ZNF514: variants seen among roughly 807,000 people sequenced by gnomAD.
ZNF514 encodes the protein zinc finger protein 514.
Under a neutral mutation model 9.7 loss-of-function variants are expected in ZNF514, and 12 were observed. That is an observed-to-expected ratio of 1.24 (90% CI 0.79 to 2.01). The LOEUF (loss-of-function observed/expected upper bound fraction) is 2.01. Ranked by LOEUF, ZNF514 falls within the 30% of genes most tolerant of loss-of-function variation. ZNF514 has a pLI of 0.00. For missense variants in ZNF514, 467 were observed against 465.5 expected (o/e 1.00, Z -0.03); for synonymous variants, 158 against 163.7 (o/e 0.97, Z 0.27).
At chr2:95,139,513 C>T in the ZNF514 span, among the ~76,000 whole-genome samples, 1 of 152,174 alleles carries the variant, frequency 6.6e-6, no homozygotes, top group African/African-American at 2.4e-5. Flanking sequence ...GGACTGTAGC[C>T]CCTTTCTTTT....
In ZNF514 at chr2:95,149,990, G is replaced by GA. The variant is rs1372073399; in HGVS notation, c.494dup (p.Leu166ProfsTer3). The stretch of plus-strand genomic sequence containing the variant: ...TGAGAATGCTGTGTTGGTTAACAAG[G>GA]ACTGATCTTAAACCTAAGCTTCTCC... On this transcript the variant is annotated frameshift_variant, in exon 5 of 5. Coordinates refer to ENST00000295208, the MANE Select transcript of ZNF514 (RefSeq NM_032788.3). LOFTEE classifies it low-confidence loss of function (END_TRUNC). 5 of 1,614,046 alleles carry GA rather than the reference G, an allele frequency of 3.1e-6. No homozygotes were observed. The highest frequency in any genetic ancestry group is 4.2e-6 in the Non-Finnish European group (5 of 1,180,042).
At chr2:95,138,265 A>T in the ZNF514 span, among the ~76,000 whole-genome samples, 1 of 152,234 alleles carries the variant, frequency 6.6e-6, no homozygotes, top group Non-Finnish European at 1.5e-5. Context: ...TAACTGGGTA[A>T]CAGCGAGAGG....
chr2:95,128,131 G>A, the ZNF514 span, among the ~76,000 whole-genome samples: 1 of 151,954 alleles, frequency 6.6e-6, no homozygotes, highest in East Asian at 1.9e-4. Context: ...GATGGCTCAC[G>A]CCTGTAATCC....
the ZNF514 span, among the ~76,000 whole-genome samples, chr2:95,135,589 T>C: frequency 6.6e-6 from 1 of 151,750 alleles, no homozygotes; most frequent in African/African-American, 2.4e-5. Flanking sequence ...ACCTGGCTAA[T>C]ATTTGTATTT....
At chr2:95,130,731 C>G in the ZNF514 span, among the ~76,000 whole-genome samples, 1 of 152,304 alleles carries the variant, frequency 6.6e-6, no homozygotes, top group East Asian at 1.9e-4. Flanking sequence ...TTGCTGTTAT[C>G]CTGTTCTTTT....
intron 4 of ZNF514, among the ~76,000 whole-genome samples, chr2:95,150,732 T>C (rs1673514921): frequency 6.6e-6 from 1 of 152,216 alleles, no homozygotes; most frequent in Non-Finnish European, 1.5e-5. Flanking sequence ...CCCTTCACTT[T>C]CTTCTTTTCC....
chr2:95,132,529 A>G, the ZNF514 span, among the ~76,000 whole-genome samples: 1 of 152,144 alleles, frequency 6.6e-6, no homozygotes, highest in Non-Finnish European at 1.5e-5. Flanking sequence ...GTGGGGACAT[A>G]AAATGGTACC....
At chr2:95,135,760 C>T in the ZNF514 span, among the ~76,000 whole-genome samples, 2 of 151,430 alleles carry the variant, frequency 1.3e-5, no homozygotes, top group Admixed American at 6.6e-5. Flanking sequence ...AATTGTTCAT[C>T]ACACATGTAT....
At chr2:95,150,815 C>T (rs1270259448) in intron 4 of ZNF514, among the ~76,000 whole-genome samples, 1 of 152,174 alleles carries the variant, frequency 6.6e-6, no homozygotes, top group African/African-American at 2.4e-5. Flanking sequence ...AGGATAAACC[C>T]TTTATCTTCC....
chr2:95,140,840 T>G (rs1365567627), downstream of ZNF514, among the ~76,000 whole-genome samples: 1 of 151,410 alleles, frequency 6.6e-6, no homozygotes, highest in Non-Finnish European at 1.5e-5. Flanking sequence ...CCGGGCATGG[T>G]GTTGTGTGCC....
At chr2:95,156,694 T>C (rs1223153414) in intron 2 of ZNF514, among the ~76,000 whole-genome samples, 2 of 152,246 alleles carry the variant, frequency 1.3e-5, no homozygotes, top group Admixed American at 6.5e-5. Flanking sequence ...AACATTATTA[T>C]AGTCTTCATG....
intron 2 of ZNF514, 41 bp from the exon 3 acceptor site, chr2:95,153,300 A>C: frequency 6.3e-7 from 1 of 1,580,870 alleles, no homozygotes; most frequent in Non-Finnish European, 8.6e-7. Flanking sequence ...TTATATGCTT[A>C]TCAATATGAA....
the ZNF514 span, among the ~76,000 whole-genome samples, chr2:95,138,074 G>A: frequency 6.6e-6 from 1 of 152,216 alleles, no homozygotes; most frequent in Non-Finnish European, 1.5e-5. Flanking sequence ...CTGAGCAGGT[G>A]TCAGCACTAT....
chr2:95,152,806 T>C (rs1174593762), intron 3 of ZNF514, 37 bp from the exon 4 acceptor site: 1 of 1,563,794 alleles, frequency 6.4e-7, no homozygotes, highest in Non-Finnish European at 8.8e-7. Flanking sequence ...TGGTTGTGTG[T>C]GCCAGTGGCC....
downstream of ZNF514, among the ~76,000 whole-genome samples, chr2:95,141,014 G>A (rs1366131125): frequency 6.6e-6 from 1 of 151,742 alleles, no homozygotes; most frequent in Admixed American, 6.6e-5. Flanking sequence ...TACAACAGAC[G>A]GACTTCAGGG....
intron 3 of ZNF514, 144 bp downstream of exon 3, chr2:95,152,989 C>G: frequency 8.7e-7 from 1 of 1,150,326 alleles, no homozygotes; most frequent in African/African-American, 1.5e-5. Context: ...CACTGGGCCC[C>G]AAAGAGAATG....
chr2:95,137,456 T>C, the ZNF514 span, among the ~76,000 whole-genome samples: 1 of 152,204 alleles, frequency 6.6e-6, no homozygotes, highest in Non-Finnish European at 1.5e-5. Flanking sequence ...TAAATTAACA[T>C]TGATGCAGAA....
chr2:95,140,594 C>T (rs894704632), downstream of ZNF514, among the ~76,000 whole-genome samples: 37 of 151,850 alleles, frequency 2.4e-4, no homozygotes, highest in African/African-American at 5.8e-4. Flanking sequence ...ACCCGGTTGA[C>T]GGAGCAAGAC....
the ZNF514 span, among the ~76,000 whole-genome samples, chr2:95,127,905 G>A: frequency 6.6e-5 from 10 of 151,292 alleles, no homozygotes; most frequent in East Asian, 8.0e-4. Flanking sequence ...CACCGCACCC[G>A]GCCTAGTGTT....
Sources: allele counts gnomAD v4.1 joint callset (sites outside exome capture counted in the v4.1 genomes callset), GRCh38; gene constraint gnomAD v4.1.1; transcripts MANE v1.5; gene names NCBI Gene and HGNC (gene_info 2026-07-23, HGNC 2026-07-21).